The following PXDNL variants were observed in gnomAD, a reference collection of about 807,000 sequenced individuals.
The protein encoded by PXDNL is probable oxidoreductase PXDNL.
In PXDNL, 145 loss-of-function variants were observed where a neutral mutation model predicts 150.8. That is an observed-to-expected ratio of 0.96 (90% CI 0.84 to 1.10). The LOEUF is 1.10. Ranked by LOEUF, PXDNL falls within the 50% of genes least tolerant of loss-of-function variation. PXDNL has a pLI of 0.00. For missense variants in PXDNL, 2,087 were observed against 1,873.9 expected, an observed-to-expected ratio of 1.11 and a Z score of -2.10; for synonymous variants, 757 against 725.7, an observed-to-expected ratio of 1.04 and a Z score of -0.69.
intron 8 of PXDNL, among the ~76,000 whole-genome samples, chr8:51,467,833 C>A (rs1360206925): frequency 6.6e-6 from 1 of 152,014 alleles, no homozygotes. Flanking sequence ...CTGAAACTAA[C>A]CTTCGTTCTG....
At chr8:51,754,975 A>C (rs1244204951) in intron 1 of PXDNL, among the ~76,000 whole-genome samples, 1 of 152,166 alleles carries the variant, frequency 6.6e-6, no homozygotes, top group Admixed American at 6.5e-5. Context: ...CTCCTGCCTG[A>C]GACTGGGATT....
intron 19 of PXDNL, among the ~76,000 whole-genome samples, chr8:51,369,351 A>C (rs1279313871): frequency 2.6e-5 from 4 of 152,214 alleles, no homozygotes; most frequent in Non-Finnish European, 5.9e-5. Flanking sequence ...GCAGGCCTCT[A>C]ATCTACATAG....
intron 4 of PXDNL, among the ~76,000 whole-genome samples, chr8:51,540,862 G>C (rs1345910812): frequency 6.6e-6 from 1 of 151,750 alleles, no homozygotes; most frequent in Non-Finnish European, 1.5e-5. Context: ...CTTGTATTTT[G>C]TAACTCTTGT....
At chr8:51,605,078 C>A (rs540646524) in intron 2 of PXDNL, among the ~76,000 whole-genome samples, 1 of 151,948 alleles carries the variant, frequency 6.6e-6, no homozygotes, top group South Asian at 2.1e-4. Context: ...ATAAATTGCC[C>A]GCGATCAGCA....
intron 1 of PXDNL, among the ~76,000 whole-genome samples, chr8:51,689,034 C>A (rs1448666751): frequency 6.6e-6 from 1 of 152,174 alleles, no homozygotes; most frequent in Non-Finnish European, 1.5e-5. Flanking sequence ...CGGGAATCGG[C>A]CTTTCAGACA....
chr8:51,371,516 C>T lies in PXDNL; in HGVS notation c.3901+357G>A, dbSNP rs1183403492. ...CCTAAGTTAGCCAAGTCACTATAAA[C>T]TTTCATTTCTCTTTTGTTAGATGAA... On this transcript the variant is annotated intron_variant, in intron 19 of 22. Coordinates refer to ENST00000356297, the MANE Select transcript of PXDNL (RefSeq NM_144651.5). Among the ~76,000 whole-genome samples, 3 of 152,206 alleles carry T rather than the reference C, an allele frequency of 2.0e-5. No individual in the cohort carries two copies. The East Asian group carries it at 5.8e-4, about 29-fold the overall frequency.
chr8:51,603,526 T>C (rs1169731494), intron 2 of PXDNL, among the ~76,000 whole-genome samples: 1 of 152,100 alleles, frequency 6.6e-6, no homozygotes, highest in African/African-American at 2.4e-5. Flanking sequence ...AGATGACTTT[T>C]TGAATATAGG....
intron 1 of PXDNL, among the ~76,000 whole-genome samples, chr8:51,735,502 A>AAATT (rs1176832831): frequency 1.3e-5 from 2 of 150,180 alleles, no homozygotes; most frequent in Non-Finnish European, 3.0e-5. Context: ...TAAATAAATA[A>AAATT]AATTAATTAA....
At chr8:51,436,323 CAT>C (rs1809407527) in intron 12 of PXDNL, 1 of 464,136 alleles carries the variant, frequency 2.2e-6, no homozygotes, top group Admixed American at 2.4e-5. Flanking sequence ...TCTTAAATCT[CAT>C]AAACATTATT....
intron 21 of PXDNL, among the ~76,000 whole-genome samples, chr8:51,329,458 C>A (rs1331416846): frequency 6.6e-6 from 1 of 152,124 alleles, no homozygotes; most frequent in Non-Finnish European, 1.5e-5. Context: ...TCCTATTACC[C>A]AAGACATCAT....
intron 1 of PXDNL, among the ~76,000 whole-genome samples, chr8:51,683,004 T>G (rs1402852478): frequency 6.6e-6 from 1 of 151,664 alleles, no homozygotes; most frequent in Non-Finnish European, 1.5e-5. Flanking sequence ...TTTTGATAAA[T>G]ATTCAGAAGT....
intron 5 of PXDNL, among the ~76,000 whole-genome samples, chr8:51,498,077 T>C (rs1458506615): frequency 2.6e-5 from 4 of 152,128 alleles, no homozygotes; most frequent in Admixed American, 2.6e-4. Context: ...ATGGCACATA[T>C]ACACCATGGA....
At chr8:51,374,846 A>G in intron 17 of PXDNL, 115 bp from the exon 18 acceptor site, 15 of 1,214,196 alleles carry the variant, frequency 1.2e-5, no homozygotes, top group Non-Finnish European at 1.7e-5. Flanking sequence ...AGAAAAGTAG[A>G]TATGATTACT....
intron 2 of PXDNL, among the ~76,000 whole-genome samples, chr8:51,639,467 A>G (rs1814690724): frequency 1.3e-5 from 2 of 152,148 alleles, no homozygotes; most frequent in African/African-American, 4.8e-5. Context: ...AAGACTAATA[A>G]AGAAGAAAAG....
chr8:51,477,161 T>G (rs1382482487), intron 6 of PXDNL, among the ~76,000 whole-genome samples: 1 of 152,196 alleles, frequency 6.6e-6, no homozygotes, highest in East Asian at 1.9e-4. Context: ...TATCTGACAG[T>G]TTTGTAAAAT....
chr8:51,521,677 T>C (rs1314485213), intron 4 of PXDNL, among the ~76,000 whole-genome samples: 1 of 151,372 alleles, frequency 6.6e-6, no homozygotes, highest in East Asian at 1.9e-4. Flanking sequence ...GCAAGATAAA[T>C]ACCAAAAACT....
intron 3 of PXDNL, among the ~76,000 whole-genome samples, chr8:51,557,315 A>G (rs1353969333): frequency 6.6e-6 from 1 of 152,174 alleles, no homozygotes; most frequent in Non-Finnish European, 1.5e-5. Flanking sequence ...ATTCATCTTA[A>G]GGGGATAAAA....
intron 1 of PXDNL, among the ~76,000 whole-genome samples, chr8:51,701,418 G>A (rs569619538): frequency 6.6e-6 from 1 of 152,174 alleles, no homozygotes; most frequent in Admixed American, 6.5e-5. Context: ...CAGATTTAAT[G>A]CATTATTCAA....
intron 1 of PXDNL, among the ~76,000 whole-genome samples, chr8:51,749,502 G>A (rs1362557254): frequency 2.2e-5 from 3 of 133,902 alleles, no homozygotes; most frequent in African/African-American, 7.7e-5. Flanking sequence ...CATAGAAAAG[G>A]TACAGTAAAA....
Sources: allele counts gnomAD v4.1 joint callset (sites outside exome capture counted in the v4.1 genomes callset), GRCh38; gene constraint gnomAD v4.1.1; transcripts MANE v1.5; gene names NCBI Gene and HGNC (gene_info 2026-07-23, HGNC 2026-07-21).